The following ENOSF1 variants were observed in gnomAD, a reference collection of about 807,000 sequenced individuals.
ENOSF1 encodes the protein enolase superfamily member 1.
ENOSF1 carries 73 observed loss-of-function variants against 68.2 expected under a neutral mutation model. The ratio of observed to expected loss-of-function variants is 1.07; its 90% CI spans 0.89 to 1.30. ENOSF1 has a LOEUF of 1.30. ENOSF1 is among the 50% of genes most tolerant of loss of function. ENOSF1 has a pLI of 0.00. For synonymous variants in ENOSF1, 223 were observed against 210.4 expected (o/e 1.06, Z -0.52); for missense variants, 589 against 554.5 (o/e 1.06, Z -0.62).
At chr18:687,014 A>C (rs1157209588) in intron 9 of ENOSF1, 1 of 97,650 alleles carries the variant, frequency 1.0e-5, no homozygotes, top group East Asian at 2.0e-4. Flanking sequence ...CTCACCAGAT[A>C]CACTGCTGCA....
chr18:667,453 GTGA>G (rs767445817), downstream of ENOSF1, among the ~76,000 whole-genome samples: 65 of 972 alleles, frequency 0.067, 23 homozygotes, highest in Non-Finnish European at 0.08. Flanking sequence ...GATGGTGATG[GTGA>G]TGATGGAGAT....
At chr18:702,997 T>C (rs938185830) in intron 2 of ENOSF1, among the ~76,000 whole-genome samples, 1 of 152,110 alleles carries the variant, frequency 6.6e-6, no homozygotes, top group Admixed American at 6.6e-5. Flanking sequence ...CTAATGGAAT[T>C]TTTCATCTTT....
intron 5 of ENOSF1, chr18:693,459 G>A: frequency 1.0e-6 from 1 of 985,020 alleles, no homozygotes; most frequent in Non-Finnish European, 1.2e-6. Flanking sequence ...ACAGGCTTGA[G>A]CCACCATGCC....
At chr18:666,287 C>T (rs1442628043), downstream of ENOSF1, among the ~76,000 whole-genome samples, 1 of 151,642 alleles carries the variant, frequency 6.6e-6, no homozygotes, top group Non-Finnish European at 1.5e-5. Flanking sequence ...GGACAAAATG[C>T]CCCCATTGCT....
At chr18:704,719 C>T (rs1020791366) in intron 2 of ENOSF1, among the ~76,000 whole-genome samples, 2 of 151,332 alleles carry the variant, frequency 1.3e-5, no homozygotes, top group African/African-American at 4.9e-5. Flanking sequence ...AATTCTCGTG[C>T]TTCAGCCTCC....
At chr18:711,973 G>A (rs1049273089) in intron 1 of ENOSF1, among the ~76,000 whole-genome samples, 1 of 152,102 alleles carries the variant, frequency 6.6e-6, no homozygotes. Context: ...TCCCAGCCCC[G>A]GGCTTCCCGT....
At chr18:688,428 G>T (rs2847152) in intron 9 of ENOSF1, 146 bp downstream of exon 9, 1 of 935,792 alleles carries the variant, frequency 1.1e-6, no homozygotes, top group East Asian at 2.6e-5. Flanking sequence ...CTGGCCTAAG[G>T]GGAAACTTCT....
chr18:683,525 G>A lies in ENOSF1; in HGVS notation c.742-145C>T, dbSNP rs747204012. ...ACGCCTCTGCTGAGGCCCAGCACACGGCCCTAACAAAAAGAGCCAGAGAGC... is the reference window on the plus strand; with the variant it reads ...ACGCCTCTGCTGAGGCCCAGCACACAGCCCTAACAAAAAGAGCCAGAGAGC... On this transcript the variant is annotated intron_variant, in intron 10 of 15. Transcript: ENST00000647584. 61 of 863,674 alleles carry A rather than the reference G, an allele frequency of 7.1e-5. 1 individual carries two copies. The highest frequency in any genetic ancestry group is 9.0e-5 in the Non-Finnish European group (51 of 567,064). The allele number at this position is 863,674 out of a possible 1,614,324, so 53.5% of individuals were successfully genotyped here. A position where few individuals can be genotyped will look rare whatever the true frequency, so the allele number is the denominator to read the frequency against.
intron 9 of ENOSF1, chr18:686,281 G>T (rs761010764): frequency 2.8e-5 from 10 of 361,798 alleles, no homozygotes; most frequent in Admixed American, 8.7e-5. Flanking sequence ...AATTAACTCC[G>T]TTTTTGCCGG....
At chr18:710,632 C>T (rs540000978) in intron 1 of ENOSF1, among the ~76,000 whole-genome samples, 32 of 152,330 alleles carry the variant, frequency 2.1e-4, no homozygotes, top group African/African-American at 7.7e-4. Context: ...CTGCCTAGGC[C>T]TCCACTTAGG....
Position 670,742 on chromosome 18 carries a change from G to A in ENOSF1, c.*3563C>T. 6.2e-7 allele frequency: 1 copy of A among 1,614,150 alleles called. No homozygotes were observed. The highest frequency in any genetic ancestry group is 8.5e-7 in the Non-Finnish European group (1 of 1,180,028). ...ATGCCATGCCCTCTGCCAGTTCTAT[G>A]TGGTGAACAGTGAGCTGTCCTGCCA... is the stretch of plus-strand genomic sequence containing the variant. On this transcript the variant is annotated 3_prime_UTR_variant, in exon 16 of 16. Transcript: ENST00000647584.
chr18:674,184 T>G lies in ENOSF1; in HGVS notation c.*121A>C. The G allele has an allele frequency of 1.5e-6, 1 of 675,530 alleles. No individual in the cohort carries two copies. Among genetic ancestry groups the G allele is most frequent in the Non-Finnish European group, 2.6e-6 (1 of 389,230 alleles). 41.8% of individuals were successfully genotyped at this position (675,530 alleles called of 1,614,324 possible). ...ACTTAGCTGATTCCTGAGGGTGGTA[T>G]GACTTCTAGCTGAACTCATCTTGAT... is the stretch of plus-strand genomic sequence containing the variant. On this transcript the variant is annotated 3_prime_UTR_variant, in exon 16 of 16. Transcript: ENST00000647584.
intron 5 of ENOSF1, chr18:693,217 A>C (rs777739577): frequency 1.9e-5 from 24 of 1,289,164 alleles, no homozygotes; most frequent in Non-Finnish European, 2.4e-5. Flanking sequence ...AGTCAAGTGC[A>C]TAGCTTTAGA....
At chr18:702,575 T>A (rs1004136626) in intron 2 of ENOSF1, among the ~76,000 whole-genome samples, 1 of 150,218 alleles carries the variant, frequency 6.7e-6, no homozygotes, top group Non-Finnish European at 1.5e-5. Context: ...ACTCTGTCTC[T>A]CAAAAAAAAG....
rs779479045 is a variant in ENOSF1 at position 706,481 on chromosome 18, C to T, written c.182G>A (p.Gly61Asp). Residue 61 changes from glycine (G) to aspartate (D), a missense_variant, in exon 2 of 16, where the codon GGC (glycine) becomes GAC (aspartate). Transcript: ENST00000647584. ...AATCTTCAACTCACCAACTTCAGTG[C>T]CTTTTCCCAGAGTGAAGGTAATTCC... ...GCGITFTLGK[G>D]TEVVVCAVNA... The T allele has an allele frequency of 1.1e-5, 17 of 1,612,298 alleles. No individual in the cohort carries two copies. The highest frequency in any genetic ancestry group is 1.7e-5 in the Admixed American group (1 of 59,984).
intron 5 of ENOSF1, chr18:693,139 C>G (rs1166700336): frequency 7.8e-7 from 1 of 1,289,084 alleles, no homozygotes; most frequent in African/African-American, 1.5e-5. Context: ...CTTTAATTTG[C>G]CCAGTTTTTT....
At chr18:692,724 CATTCCCTTTTGGTGGCT>C in intron 5 of ENOSF1, 1 of 990,898 alleles carries the variant, frequency 1.0e-6, no homozygotes, top group South Asian at 4.6e-5. Context: ...GCCTGCAAAT[CATTCCCTTTTGGTGGCT>C]ACCTCCTCCA....
chr18:667,215 AGATGGTGATGGT>A (rs1229328111), downstream of ENOSF1, among the ~76,000 whole-genome samples: 2 of 25,386 alleles, frequency 7.9e-5, no homozygotes, highest in Non-Finnish European at 1.3e-4. Flanking sequence ...ATGGTGATGG[AGATGGTGATGGT>A]GATGGAGATG....
chr18:706,467 C>T lies in ENOSF1; in HGVS notation c.193+3G>A, dbSNP rs749807469. 9 of 1,599,602 alleles carry T rather than the reference C, an allele frequency of 5.6e-6. No homozygotes were observed. Among genetic ancestry groups the T allele is most frequent in the South Asian group, 3.3e-5 (3 of 90,772 alleles). ...TGGAACCTCGAGAGAATCTTCAACTCACCAACTTCAGTGCCTTTTCCCAGA... is the reference window on the plus strand; with the variant it reads ...TGGAACCTCGAGAGAATCTTCAACTTACCAACTTCAGTGCCTTTTCCCAGA... On this transcript the variant is annotated splice_donor_region_variant and intron_variant, in intron 2 of 15. Coordinates refer to ENST00000647584, the MANE Select transcript of ENOSF1 (RefSeq NM_017512.7).
Sources: allele counts gnomAD v4.1 joint callset (sites outside exome capture counted in the v4.1 genomes callset), GRCh38; gene constraint gnomAD v4.1.1; transcripts MANE v1.5; gene names NCBI Gene and HGNC (gene_info 2026-07-23, HGNC 2026-07-21).